TGFBR1: variants seen among roughly 807,000 people sequenced by gnomAD.
The protein encoded by TGFBR1 is TGF-beta receptor type-1.
A neutral mutation model predicts 55.1 loss-of-function variants in TGFBR1; 20 were observed. The ratio of observed to expected loss-of-function variants is 0.36; its 90% confidence interval spans 0.26 to 0.53. The LOEUF is 0.53. TGFBR1 is among the 20% of genes least tolerant of loss of function. The pLI, the probability that TGFBR1 is intolerant of heterozygous loss-of-function variation, is 0.91. For synonymous variants in TGFBR1, 220 were observed against 214.8 expected, an observed-to-expected ratio of 1.02 and a Z score of -0.21; for missense variants, 385 against 617.6, an observed-to-expected ratio of 0.62 and a Z score of 3.99.
chr9:99,120,794 C>G lies in TGFBR1; in HGVS notation c.98-8061C>G, dbSNP rs1442676527. Among the ~76,000 whole-genome samples, 5 of 152,276 alleles carry G rather than the reference C, an allele frequency of 3.3e-5. No homozygotes were observed. The East Asian group carries it at 5.8e-4, about 18-fold the overall frequency. ...AAAAGATACTTTTTAAAGGCTCTGACTCTTCTAAAATGTGTTGTTAAACTC... is the reference window on the plus strand; with the variant it reads ...AAAAGATACTTTTTAAAGGCTCTGAGTCTTCTAAAATGTGTTGTTAAACTC... On this transcript the variant is annotated intron_variant, in intron 1 of 8. Transcript: ENST00000374994.
intron 1 of TGFBR1, among the ~76,000 whole-genome samples, chr9:99,123,409 AT>A (rs1181440002): frequency 6.6e-6 from 1 of 152,058 alleles, no homozygotes; most frequent in African/African-American, 2.4e-5. Context: ...TAAACAGGGG[AT>A]TTGGTTCTTA....
intron 1 of TGFBR1, among the ~76,000 whole-genome samples, chr9:99,121,725 T>C (rs1826904020): frequency 6.6e-6 from 1 of 152,134 alleles, no homozygotes; most frequent in Non-Finnish European, 1.5e-5. Context: ...TACATGTTTG[T>C]AATATTTGGA....
chr9:99,116,669 A>G (rs1411339190), intron 1 of TGFBR1, among the ~76,000 whole-genome samples: 1 of 152,142 alleles, frequency 6.6e-6, no homozygotes, highest in Non-Finnish European at 1.5e-5. Context: ...TCTTTTAATA[A>G]CCAACCCCCC....
At chr9:99,115,899 C>T (rs1030716370) in intron 1 of TGFBR1, among the ~76,000 whole-genome samples, 2 of 152,042 alleles carry the variant, frequency 1.3e-5, no homozygotes, top group South Asian at 2.1e-4. Context: ...AATTACAAAT[C>T]AGGGGCCAGA....
At chr9:99,120,234 C>CT (rs1349122612) in intron 1 of TGFBR1, among the ~76,000 whole-genome samples, 1 of 152,168 alleles carries the variant, frequency 6.6e-6, no homozygotes, top group South Asian at 2.1e-4. Context: ...TTTTCTGTCT[C>CT]TGAGTTCCAT....
Position 99,137,846 on chromosome 9 carries a change from T to C in TGFBR1, c.575-13T>C, listed in dbSNP as rs746731209. On this transcript the variant is annotated splice_polypyrimidine_tract_variant and intron_variant, in intron 3 of 8. Transcript: ENST00000374994. ...TGTTGATTGTGTTGAGTACTATTTATTTTTACCTTTAGGTTTACCATTGCT... is the reference window on the plus strand; with the variant it reads ...TGTTGATTGTGTTGAGTACTATTTACTTTTACCTTTAGGTTTACCATTGCT... 6.2e-7 allele frequency: 1 copy of C among 1,607,390 alleles called. No homozygotes were observed. The highest frequency in any genetic ancestry group is 1.3e-5 in the African/African-American group (1 of 74,766).
In TGFBR1 at chr9:99,142,681, C is replaced by T. The variant is rs2118780749; in HGVS notation, c.951C>T (p.His317=). 6.2e-7 allele frequency: 1 copy of T among 1,614,062 alleles called. No homozygotes were observed. The highest frequency in any genetic ancestry group is 1.1e-5 in the South Asian group (1 of 91,084). ...LSTASGLAHL[H]MEIVGTQGKP... The stretch of plus-strand genomic sequence containing the variant: ...CGGCGAGCGGTCTTGCCCATCTTCA[C>T]ATGGAGATTGTTGGTACCCAAGGTA... The change falls in exon 5 of 9, where the codon CAC becomes CAT. Residue 317 remains histidine, a synonymous_variant. Transcript: ENST00000374994.
At chr9:99,143,986 A>T (rs917577807) in intron 5 of TGFBR1, among the ~76,000 whole-genome samples, 3 of 152,168 alleles carry the variant, frequency 2.0e-5, no homozygotes, top group Non-Finnish European at 4.4e-5. Context: ...TACTTCAGTC[A>T]TTTTGATGGC....
At chr9:99,109,638 T>C (rs1826507386) in intron 1 of TGFBR1, among the ~76,000 whole-genome samples, 1 of 152,236 alleles carries the variant, frequency 6.6e-6, no homozygotes, top group African/African-American at 2.4e-5. Flanking sequence ...ACGTGTCTCT[T>C]CAAACCACAG....
chr9:99,121,066 ATG>A (rs1826883525), intron 1 of TGFBR1, among the ~76,000 whole-genome samples: 1 of 152,184 alleles, frequency 6.6e-6, no homozygotes, highest in Non-Finnish European at 1.5e-5. Flanking sequence ...TTCTTTTAAG[ATG>A]TGATGTGGGT....
At chr9:99,111,295 C>CTTTTTTTTTTTTTTTT (rs3034196) in intron 1 of TGFBR1, among the ~76,000 whole-genome samples, 2 of 55,154 alleles carry the variant, frequency 3.6e-5, no homozygotes, top group African/African-American at 1.5e-4. Flanking sequence ...TGCACCCATG[C>CTTTTTTTTTTTTTTTT]TTTTTTTTTT....
At chr9:99,131,630 C>A (rs1827227114) in intron 2 of TGFBR1, among the ~76,000 whole-genome samples, 2 of 140,940 alleles carry the variant, frequency 1.4e-5, no homozygotes, top group Admixed American at 7.2e-5. Flanking sequence ...TATATGCAAA[C>A]TCTGTTAAAA....
At position 99,147,708 on chromosome 9, in the gene TGFBR1, C is replaced by T. The variant is rs1827842067; in HGVS notation, c.1310C>T (p.Ser437Leu). The T allele has an allele frequency of 1.4e-5, 22 of 1,613,638 alleles. No homozygotes were observed. Among genetic ancestry groups the T allele is most frequent in the Non-Finnish European group, 1.8e-5 (21 of 1,179,716 alleles). ...TATGATCTTGTACCTTCTGACCCAT[C>T]AGTTGAAGAAATGAGAAAAGTTGTT... ...PYYDLVPSDPSVEEMRKVVCE... is the reference protein window; with the variant it reads ...PYYDLVPSDPLVEEMRKVVCE... Residue 437 changes from serine to leucine, a missense_variant, in exon 8 of 9, where the codon TCA (serine) becomes TTA (leucine). Ser to Leu is a moderately radical substitution (Grantham distance 145, BLOSUM62 -2). Coordinates refer to ENST00000374994, the MANE Select transcript of TGFBR1 (RefSeq NM_004612.4).
intron 1 of TGFBR1, among the ~76,000 whole-genome samples, chr9:99,108,848 G>A (rs1412121520): frequency 6.6e-6 from 1 of 152,166 alleles, no homozygotes; most frequent in Admixed American, 6.5e-5. Context: ...AAAGTGGAAT[G>A]AGTGAGGGAG....
At chr9:99,113,540 A>C (rs1824831882) in intron 1 of TGFBR1, among the ~76,000 whole-genome samples, 1 of 152,188 alleles carries the variant, frequency 6.6e-6, no homozygotes, top group Non-Finnish European at 1.5e-5. Flanking sequence ...AAGCACCAAC[A>C]TATCTGGCTG....
At chr9:99,112,973 T>C in intron 1 of TGFBR1, among the ~76,000 whole-genome samples, 1 of 152,206 alleles carries the variant, frequency 6.6e-6, no homozygotes, top group East Asian at 1.9e-4. Context: ...AGGATTCTAG[T>C]GTCCTAAAAC....
Position 99,147,678 on chromosome 9 carries a change from CTTA to C in TGFBR1, c.1285_1287del (p.Tyr429del). ...GGAATTCATGAAGATTACCAACTGC[CTTA>C]TTATGATCTTGTACCTTCTGACCCA... On this transcript the variant is annotated inframe_deletion, in exon 8 of 9. Transcript: ENST00000374994. 1 of 1,613,470 alleles carries C rather than the reference CTTA, an allele frequency of 6.2e-7. No individual in the cohort carries two copies. Among genetic ancestry groups the C allele is most frequent in the Non-Finnish European group, 8.5e-7 (1 of 1,179,680 alleles).
At chr9:99,142,515 A>T in intron 4 of TGFBR1, 21 bp from the exon 5 acceptor site, 1 of 1,613,888 alleles carries the variant, frequency 6.2e-7, no homozygotes, top group Admixed American at 1.7e-5. Context: ...GCCCAACCGA[A>T]ATGTTAATTC....
intron 1 of TGFBR1, among the ~76,000 whole-genome samples, chr9:99,121,251 A>G (rs1826890154): frequency 2.0e-5 from 3 of 152,186 alleles, no homozygotes; most frequent in Admixed American, 2.0e-4. Context: ...TGACAAGCTT[A>G]CTTTGATATT....
Sources: gnomAD v4.1 joint callset for allele counts (sites outside exome capture counted in the v4.1 genomes callset) on GRCh38, gnomAD v4.1.1 for gene constraint, MANE v1.5 for transcripts, NCBI Gene and HGNC (gene_info 2026-07-23, HGNC 2026-07-21) for gene names.